Variants in ANXA8 observed in about 807,000 individuals in gnomAD.
ANXA8 encodes the protein VAC-beta.
A neutral mutation model predicts 26.8 loss-of-function variants in ANXA8; 9 were observed. That is an observed-to-expected ratio of 0.34 (90% CI 0.20 to 0.59). The LOEUF (loss-of-function observed/expected upper bound fraction) is 0.59. Among genes scored for constraint, ANXA8 ranks in the 20% least tolerant of loss-of-function variants. The probability of loss-of-function intolerance (pLI) is 0.84; values close to 1 mark genes in which losing one functional copy is unlikely to be tolerated. For synonymous variants in ANXA8, 39 were observed against 94.8 expected, an observed-to-expected ratio of 0.41 and a Z score of 3.42; for missense variants, 83 against 238.5, an observed-to-expected ratio of 0.35 and a Z score of 4.29.
chr10:47,675,013 C>T, the ANXA8 span, among the ~76,000 whole-genome samples: 6 of 145,666 alleles, frequency 4.1e-5, no homozygotes, highest in African/African-American at 1.6e-4. Context: ...CTGTCTCAAT[C>T]CTAGAATTAG....
chr10:47,559,819 G>C, the ANXA8 span, among the ~76,000 whole-genome samples: 1 of 151,760 alleles, frequency 6.6e-6, no homozygotes, highest in Non-Finnish European at 1.5e-5. Flanking sequence ...TTGGCTCCAG[G>C]GCTTCTTCCA....
the ANXA8 span, among the ~76,000 whole-genome samples, chr10:47,591,550 T>C: frequency 2.1e-4 from 30 of 140,306 alleles, no homozygotes; most frequent in Non-Finnish European, 1.6e-4. Context: ...TTCACGACAT[T>C]CTCCTGCCTC....
At chr10:47,898,839 T>G in the ANXA8 span, among the ~76,000 whole-genome samples, 4 of 137,104 alleles carry the variant, frequency 2.9e-5, no homozygotes, top group Non-Finnish European at 6.1e-5. Flanking sequence ...TTTTTTTTTT[T>G]TTTAGATGTG....
chr10:47,497,097 G>T, the ANXA8 span, among the ~76,000 whole-genome samples: 1 of 151,258 alleles, frequency 6.6e-6, no homozygotes, highest in African/African-American at 2.4e-5. Flanking sequence ...GATGTGGGTG[G>T]ATCACCTGAG....
chr10:47,760,659 AGTGGTCCCTGG>A, the ANXA8 span: 21 of 658,306 alleles, frequency 3.2e-5, no homozygotes, highest in African/African-American at 1.7e-4. Context: ...ACCCAGAAAG[AGTGGTCCCTGG>A]GTGGTCCCTG....
the ANXA8 span, among the ~76,000 whole-genome samples, chr10:47,648,303 G>A: frequency 1.3e-5 from 2 of 151,388 alleles, no homozygotes; most frequent in Non-Finnish European, 2.9e-5. Context: ...CCCCATCACG[G>A]CATCATAGCA....
the ANXA8 span, among the ~76,000 whole-genome samples, chr10:47,733,215 T>TC: frequency 1.1e-5 from 1 of 94,956 alleles, no homozygotes; most frequent in African/African-American, 3.6e-5. Flanking sequence ...CTTTCTTTCT[T>TC]TCTTTCTCTT....
the ANXA8 span, among the ~76,000 whole-genome samples, chr10:47,949,504 A>G: frequency 1.3e-5 from 2 of 150,338 alleles, no homozygotes; most frequent in Non-Finnish European, 3.0e-5. Context: ...GTAAATACAA[A>G]GGCTTTTCTC....
chr10:47,978,210 C>T, the ANXA8 span, among the ~76,000 whole-genome samples: 4 of 151,776 alleles, frequency 2.6e-5, no homozygotes, highest in Non-Finnish European at 5.9e-5. Flanking sequence ...AATTCTATAT[C>T]TAGCAAAGGT....
chr10:47,495,325 A>G, the ANXA8 span, among the ~76,000 whole-genome samples: 1 of 146,070 alleles, frequency 6.8e-6, no homozygotes, highest in Non-Finnish European at 1.5e-5. Flanking sequence ...TGCTCTTGTT[A>G]CCCAGGCTGA....
chr10:47,767,658 T>G, the ANXA8 span, among the ~76,000 whole-genome samples: 24 of 151,562 alleles, frequency 1.6e-4, no homozygotes, highest in Non-Finnish European at 3.1e-4. Context: ...CTCAGCCTAG[T>G]TCATTTCTGG....
At chr10:47,767,469 T>C in the ANXA8 span, among the ~76,000 whole-genome samples, 2 of 152,262 alleles carry the variant, frequency 1.3e-5, no homozygotes, top group Non-Finnish European at 2.9e-5. Flanking sequence ...GGTTTCTGCT[T>C]CCTGCCCTGC....
At chr10:47,703,384 A>T in the ANXA8 span, among the ~76,000 whole-genome samples, 9 of 151,652 alleles carry the variant, frequency 5.9e-5, no homozygotes, top group African/African-American at 2.2e-4. Flanking sequence ...CCTGGGCAAC[A>T]TGGCAAAACC....
At chr10:47,705,734 T>C in the ANXA8 span, among the ~76,000 whole-genome samples, 5 of 152,062 alleles carry the variant, frequency 3.3e-5, no homozygotes, top group Non-Finnish European at 5.9e-5. Flanking sequence ...ATAAAGTATA[T>C]TCTAAAGTTT....
chr10:47,720,736 T>TA, the ANXA8 span, among the ~76,000 whole-genome samples: 1 of 140,808 alleles, frequency 7.1e-6, no homozygotes, highest in Non-Finnish European at 1.5e-5. Flanking sequence ...AGAAAAGTTA[T>TA]AGAAGCTTAA....
the ANXA8 span, among the ~76,000 whole-genome samples, chr10:47,755,545 G>A: frequency 1.2e-3 from 173 of 142,142 alleles, no homozygotes; most frequent in Admixed American, 1.6e-3. Context: ...GTGAGCCACC[G>A]TGCCCGGCCC....
chr10:47,474,008 T>C lies in ANXA8; in HGVS notation c.704A>G (p.Glu235Gly). Residue 235 changes from glutamate to glycine, a missense_variant, in exon 9 of 12, where the codon GAG (glutamate) becomes GGG (glycine). Coordinates refer to ENST00000585281, the MANE Select transcript of ANXA8 (RefSeq NM_001040084.3). ...NKSIEDSIKSETHGSLEEAML... is the reference protein window; with the variant it reads ...NKSIEDSIKSGTHGSLEEAML... Reference sequence around the variant, plus strand: ...GGCCTCCTCCAGTGAGCCATGGGTCTCACTCTTGATGCTGTCCTCAATGCT... The same window carrying C: ...GGCCTCCTCCAGTGAGCCATGGGTCCCACTCTTGATGCTGTCCTCAATGCT... 1 of 547,800 alleles carries C rather than the reference T, an allele frequency of 1.8e-6. No individual in the cohort carries two copies. The allele number at this position is 547,800 out of a possible 1,614,324, so 33.9% of individuals were successfully genotyped here.
the ANXA8 span, among the ~76,000 whole-genome samples, chr10:47,743,341 C>T: frequency 4.6e-3 from 249 of 53,658 alleles, 11 homozygotes; most frequent in African/African-American, 7.8e-3. Flanking sequence ...TATATATATA[C>T]ATATATATAT....
chr10:47,570,287 AATT>A, the ANXA8 span, among the ~76,000 whole-genome samples: 1 of 143,946 alleles, frequency 6.9e-6, no homozygotes, highest in Non-Finnish European at 1.5e-5. Flanking sequence ...GAATATACAT[AATT>A]ATTTAATAAA....
Sources: gnomAD v4.1 joint callset for allele counts (sites outside exome capture counted in the v4.1 genomes callset) on GRCh38, gnomAD v4.1.1 for gene constraint, MANE v1.5 for transcripts, NCBI Gene and HGNC (gene_info 2026-07-23, HGNC 2026-07-21) for gene names.